SEMA6D: variants seen among roughly 807,000 people sequenced by gnomAD.
SEMA6D encodes semaphorin-6D.
A neutral mutation model predicts 106.6 loss-of-function variants in SEMA6D; 35 were observed. That is an observed-to-expected ratio of 0.33 (90% CI 0.25 to 0.44). The LOEUF is 0.44. Among genes scored for constraint, SEMA6D ranks in the 20% least tolerant of loss-of-function variants. SEMA6D has a pLI of 1.00. For missense variants in SEMA6D, 1,185 were observed against 1,345.9 expected (o/e 0.88, Z 1.87); for synonymous variants, 499 against 487.7 (o/e 1.02, Z -0.31).
At chr15:47,441,825 C>T (rs550808491) in intron 2 of SEMA6D, among the ~76,000 whole-genome samples, 19 of 152,086 alleles carry the variant, frequency 1.2e-4, no homozygotes, top group African/African-American at 4.3e-4. Context: ...CTGATTTCCA[C>T]GTGGTTATTT....
intron 3 of SEMA6D, among the ~76,000 whole-genome samples, chr15:47,579,874 T>G (rs1171773772): frequency 6.6e-6 from 1 of 152,198 alleles, no homozygotes; most frequent in African/African-American, 2.4e-5. Context: ...CTATTTTGCC[T>G]GATAAACTAA....
chr15:47,484,866 G>A lies in SEMA6D; in HGVS notation c.-87+14321G>A, dbSNP rs141045462. On this transcript the variant is annotated intron_variant, in intron 3 of 19. Coordinates refer to the SEMA6D transcript ENST00000558014. Reference sequence around the variant, plus strand: ...TTAAAGAGAAGTTTCAAATTGTACAGTTGTGGGGATTGGAGAAGAAAATGA... The same window carrying A: ...TTAAAGAGAAGTTTCAAATTGTACAATTGTGGGGATTGGAGAAGAAAATGA... Among the ~76,000 whole-genome samples the A allele has an allele frequency of 1.3e-4, 20 of 152,306 alleles. No individual in the cohort carries two copies. The East Asian group carries it at 3.7e-3, about 28-fold the overall frequency.
chr15:47,647,242 G>A (rs548017087), intron 4 of SEMA6D, among the ~76,000 whole-genome samples: 1 of 152,310 alleles, frequency 6.6e-6, no homozygotes, highest in East Asian at 1.9e-4. Context: ...ACCTTTCTAA[G>A]TAAGTCCTAT....
intron 1 of SEMA6D, among the ~76,000 whole-genome samples, chr15:47,254,331 GTATA>G (rs3050479): frequency 2.9e-5 from 4 of 139,264 alleles, no homozygotes; most frequent in African/African-American, 1.0e-4. Context: ...GTGTGTGTGT[GTATA>G]TATATATATA....
At chr15:47,641,756 A>G (rs145576950) in intron 4 of SEMA6D, among the ~76,000 whole-genome samples, 18 of 152,150 alleles carry the variant, frequency 1.2e-4, no homozygotes, top group South Asian at 4.1e-4. Context: ...GTTCCTCCCA[A>G]TCATAGGTCT....
intron 1 of SEMA6D, among the ~76,000 whole-genome samples, chr15:47,190,683 T>C (rs1303598013): frequency 6.6e-6 from 1 of 152,242 alleles, no homozygotes; most frequent in Non-Finnish European, 1.5e-5. Flanking sequence ...TACATTAGTG[T>C]AAATTCCTGC....
At chr15:47,641,757 T>C (rs1566954042) in intron 4 of SEMA6D, among the ~76,000 whole-genome samples, 3 of 152,176 alleles carry the variant, frequency 2.0e-5, no homozygotes, top group Non-Finnish European at 4.4e-5. Context: ...TTCCTCCCAA[T>C]CATAGGTCTT....
At chr15:47,212,124 A>G (rs2030079183) in intron 1 of SEMA6D, among the ~76,000 whole-genome samples, 1 of 152,214 alleles carries the variant, frequency 6.6e-6, no homozygotes, top group Non-Finnish European at 1.5e-5. Flanking sequence ...AATTCACCCA[A>G]TCCCCAGCAA....
At position 47,772,641 on chromosome 15, in the gene SEMA6D, C is replaced by A. The variant is rs2082680325; in HGVS notation, c.*856C>A. 6.6e-6 allele frequency: 1 copy of A among 152,426 alleles called. No homozygotes were observed. Among genetic ancestry groups the A allele is most frequent in the South Asian group, 2.1e-4 (1 of 4,826 alleles). 9.4% of individuals were successfully genotyped at this position (152,426 alleles called of 1,614,324 possible). On this transcript the variant is annotated 3_prime_UTR_variant, in exon 19 of 19. Transcript: ENST00000536845. ...GCTGCTATTCATTAAAACTTGTATT[C>A]CAGTCTTGCCAGCTTAAGGAGATCA...
intron 1 of SEMA6D, among the ~76,000 whole-genome samples, chr15:47,256,512 G>A (rs1363018364): frequency 6.6e-6 from 1 of 152,158 alleles, no homozygotes; most frequent in Non-Finnish European, 1.5e-5. Flanking sequence ...TTTAGATATA[G>A]AAATTGTGTT....
At chr15:47,337,179 G>A (rs1160187391) in intron 1 of SEMA6D, among the ~76,000 whole-genome samples, 1 of 152,152 alleles carries the variant, frequency 6.6e-6, no homozygotes, top group South Asian at 2.1e-4. Flanking sequence ...ATATCCCCAT[G>A]TGCTCTCTTA....
chr15:47,273,866 G>A (rs190596282), intron 1 of SEMA6D, among the ~76,000 whole-genome samples: 34 of 152,320 alleles, frequency 2.2e-4, no homozygotes, highest in Admixed American at 2.2e-3. Context: ...TTGACTGTCA[G>A]TGGAAAATAA....
At chr15:47,284,397 C>T (rs990283219) in intron 1 of SEMA6D, among the ~76,000 whole-genome samples, 1 of 152,212 alleles carries the variant, frequency 6.6e-6, no homozygotes, top group Admixed American at 6.5e-5. Context: ...CGTTTCTTAA[C>T]CACTAACATA....
intron 3 of SEMA6D, among the ~76,000 whole-genome samples, chr15:47,511,175 C>G (rs1487388022): frequency 6.6e-6 from 1 of 152,104 alleles, no homozygotes; most frequent in Non-Finnish European, 1.5e-5. Context: ...TTCAGAGCAG[C>G]TTTGGGGAGA....
At chr15:47,640,447 T>C (rs2077467680) in intron 4 of SEMA6D, among the ~76,000 whole-genome samples, 1 of 152,144 alleles carries the variant, frequency 6.6e-6, no homozygotes, top group African/African-American at 2.4e-5. Flanking sequence ...CACCTTAGAG[T>C]GAACTTGTGA....
At chr15:47,479,720 C>T (rs542212670) in intron 3 of SEMA6D, among the ~76,000 whole-genome samples, 2 of 152,094 alleles carry the variant, frequency 1.3e-5, no homozygotes, top group African/African-American at 4.8e-5. Context: ...CATTTGCTAT[C>T]AAAGGAATGA....
intron 4 of SEMA6D, among the ~76,000 whole-genome samples, chr15:47,624,087 G>A (rs947623695): frequency 2.5e-4 from 38 of 152,098 alleles, no homozygotes; most frequent in African/African-American, 7.5e-4. Context: ...ACTGCCGTCC[G>A]TACCCAGGAG....
chr15:47,287,298 G>A (rs894644042), intron 1 of SEMA6D, among the ~76,000 whole-genome samples: 1 of 152,136 alleles, frequency 6.6e-6, no homozygotes, highest in Non-Finnish European at 1.5e-5. Flanking sequence ...CTAAGGCAAT[G>A]GTATGTAGTG....
rs118170834 is a variant in SEMA6D, at chr15:47,344,502, C to G, written c.-238-67891C>G. ...TACTCTTTGGAGAGTTTCCAGGCCACTATGCAGGGAGGGAGACCAAGGAAG... is the reference window on the plus strand; with the variant it reads ...TACTCTTTGGAGAGTTTCCAGGCCAGTATGCAGGGAGGGAGACCAAGGAAG... On this transcript the variant is annotated intron_variant, in intron 1 of 19. Coordinates refer to the SEMA6D transcript ENST00000558014. Among the ~76,000 whole-genome samples, 118 of 152,192 alleles carry G rather than the reference C, an allele frequency of 7.8e-4. 1 individual carries two copies. In the East Asian group the frequency reaches 0.021, roughly 27 times the overall value.
Sources: allele counts gnomAD v4.1 joint callset (sites outside exome capture counted in the v4.1 genomes callset), GRCh38; gene constraint gnomAD v4.1.1; transcripts MANE v1.5; gene names NCBI Gene and HGNC (gene_info 2026-07-23, HGNC 2026-07-21).